The following FGF9 variants were observed in gnomAD, a reference collection of about 807,000 sequenced individuals.
The protein encoded by FGF9 is fibroblast growth factor 9, also known as fibroblast growth factor 9 (glia-activating factor).
A neutral mutation model predicts 19.9 loss-of-function variants in FGF9; 3 were observed. The observed-to-expected ratio is 0.15, with a 90% confidence interval of 0.07 to 0.39. The LOEUF is 0.39. FGF9 is among the 10% of genes least tolerant of loss of function. The pLI, the probability that FGF9 is intolerant of heterozygous loss-of-function variation, is 1.00. For synonymous variants in FGF9, 107 were observed against 106.9 expected (o/e 1.00, Z -0.01); for missense variants, 175 against 256.8 (o/e 0.68, Z 2.18).
chr13:21,694,826 A>C (rs553610302), intron 2 of FGF9, among the ~76,000 whole-genome samples: 1 of 152,354 alleles, frequency 6.6e-6, no homozygotes, highest in Non-Finnish European at 1.5e-5. Flanking sequence ...TAAACTTTGA[A>C]AACTTGAATT....
Position 21,702,930 on chromosome 13 carries a change from T to C in FGF9, c.*1495T>C, listed in dbSNP as rs1444177885. 2.0e-5 allele frequency: 3 copies of C among 152,236 alleles called. No individual in the cohort carries two copies. Among genetic ancestry groups the C allele is most frequent in the African/African-American group, 7.2e-5 (3 of 41,462 alleles). The allele number at this position is 152,236 out of a possible 1,614,324, so 9.4% of individuals were successfully genotyped here. A position where few individuals can be genotyped will look rare whatever the true frequency, so the allele number is the denominator to read the frequency against. Reference sequence around the variant, plus strand: ...GCGCTCAATTTTTTTAGAGGGGATATTACTATATAGAATATCTTTTACAAG... The same window carrying C: ...GCGCTCAATTTTTTTAGAGGGGATACTACTATATAGAATATCTTTTACAAG... On this transcript the variant is annotated 3_prime_UTR_variant, in exon 3 of 3. Transcript: ENST00000382353.
At position 21,671,959 on chromosome 13, in the gene FGF9, C is replaced by CGGTACCGTTTGGGAA. The variant is rs1446749273; in HGVS notation, c.48_62dup (p.Gly20_Asn21insLysValProPheGly). The stretch of plus-strand genomic sequence containing the variant: ...GGGAACTATTTCGGTGTGCAGGATG[C>CGGTACCGTTTGGGAA]GGTACCGTTTGGGAATGTGCCCGTG... On this transcript the variant is annotated inframe_insertion, in exon 1 of 3. Coordinates refer to ENST00000382353, the MANE Select transcript of FGF9 (RefSeq NM_002010.3). 5.0e-6 allele frequency: 8 copies of CGGTACCGTTTGGGAA among 1,614,044 alleles called. No individual in the cohort carries two copies. The highest frequency in any genetic ancestry group is 4.0e-5 in the African/African-American group (3 of 74,912).
intron 2 of FGF9, among the ~76,000 whole-genome samples, chr13:21,684,395 G>A (rs559486412): frequency 6.1e-4 from 93 of 151,936 alleles, no homozygotes; most frequent in Non-Finnish European, 1.2e-3. Context: ...CTCGATGAAC[G>A]CTCATTGGGT....
intron 1 of FGF9, among the ~76,000 whole-genome samples, chr13:21,673,847 G>A: frequency 6.6e-6 from 1 of 150,716 alleles, no homozygotes; most frequent in Admixed American, 6.6e-5. Flanking sequence ...GTCGGCAGGT[G>A]CCCGCTCGGC....
intron 1 of FGF9, among the ~76,000 whole-genome samples, chr13:21,679,577 A>G (rs1871990407): frequency 6.6e-6 from 1 of 152,088 alleles, no homozygotes; most frequent in Non-Finnish European, 1.5e-5. Context: ...GCATTAATGT[A>G]AGGTCTACAT....
At chr13:21,679,052 A>G (rs17070158) in intron 1 of FGF9, among the ~76,000 whole-genome samples, 1 of 152,220 alleles carries the variant, frequency 6.6e-6, no homozygotes, top group Admixed American at 6.5e-5. Flanking sequence ...TCATGGAAAT[A>G]TTGCCTTATT....
intron 1 of FGF9, among the ~76,000 whole-genome samples, chr13:21,675,443 G>C (rs1203952544): frequency 6.6e-6 from 1 of 151,938 alleles, no homozygotes; most frequent in Non-Finnish European, 1.5e-5. Flanking sequence ...AGGCCGCGGC[G>C]GCGCTAGGAC....
At chr13:21,673,624 C>A (rs1871826658) in intron 1 of FGF9, among the ~76,000 whole-genome samples, 1 of 152,224 alleles carries the variant, frequency 6.6e-6, no homozygotes, top group Non-Finnish European at 1.5e-5. Flanking sequence ...CTAAAAGTGC[C>A]GTTTCCATCT....
chr13:21,687,276 C>A (rs1162684247), intron 2 of FGF9, among the ~76,000 whole-genome samples: 1 of 152,104 alleles, frequency 6.6e-6, no homozygotes, highest in Admixed American at 6.5e-5. Context: ...CCCTCTGTCC[C>A]AGAATTGAGA....
At chr13:21,690,413 C>A (rs1565951765) in intron 2 of FGF9, among the ~76,000 whole-genome samples, 1 of 152,138 alleles carries the variant, frequency 6.6e-6, no homozygotes, top group East Asian at 1.9e-4. Flanking sequence ...TTGCTCACAC[C>A]CACTCACACA....
At position 21,671,422 on chromosome 13, in the gene FGF9, T is replaced by G; in HGVS notation, c.-491T>G. 5 of 413,712 alleles carry G rather than the reference T, an allele frequency of 1.2e-5. No homozygotes were observed. Among genetic ancestry groups the G allele is most frequent in the Non-Finnish European group, 8.5e-6 (2 of 235,500 alleles). 25.6% of individuals were successfully genotyped at this position (413,712 alleles called of 1,614,324 possible). ...TTCATGCTGATGTCTGCAGAGTCGG[T>G]TAGAGAGTAAAAACAGCGCATGCCT... On this transcript the variant is annotated 5_prime_UTR_variant, in exon 1 of 3. Coordinates refer to ENST00000382353, the MANE Select transcript of FGF9 (RefSeq NM_002010.3).
intron 1 of FGF9, among the ~76,000 whole-genome samples, chr13:21,673,022 A>G (rs1440868477): frequency 1.3e-5 from 2 of 152,240 alleles, no homozygotes; most frequent in East Asian, 1.9e-4. Flanking sequence ...TGAGGGCTGC[A>G]GACTCGAGGG....
Position 21,671,648 on chromosome 13 carries a change from CATAG to C in FGF9, c.-261_-258del, listed in dbSNP as rs1292281676. 1 of 602,640 alleles carries C rather than the reference CATAG, an allele frequency of 1.7e-6. No homozygotes were observed. The highest frequency in any genetic ancestry group is 2.7e-5 in the East Asian group (1 of 36,516). The allele number at this position is 602,640 out of a possible 1,614,324, so 37.3% of individuals were successfully genotyped here. A position where few individuals can be genotyped will look rare whatever the true frequency, so the allele number is the denominator to read the frequency against. ...AGCTGGGGATCTATCTATAGAGATA[CATAG>C]ATATGTTTATCAATATGTCAGTGTG... On this transcript the variant is annotated 5_prime_UTR_variant, in exon 1 of 3. The change creates a new upstream start codon in the 5' untranslated region. Coordinates refer to ENST00000382353, the MANE Select transcript of FGF9 (RefSeq NM_002010.3).
rs1871760190 is a variant in FGF9, at chr13:21,671,282, G to C, written c.-631G>C. The C allele has an allele frequency of 1.3e-5, 4 of 307,352 alleles. No individual in the cohort carries two copies. Among genetic ancestry groups the C allele is most frequent in the Middle Eastern group, 8.6e-4 (1 of 1,168 alleles). The allele number at this position is 307,352 out of a possible 1,614,324, so 19.0% of individuals were successfully genotyped here. On this transcript the variant is annotated 5_prime_UTR_variant, in exon 1 of 3. Transcript: ENST00000382353. ...AGAATCCTGGATACTAGCTTTGGAC[G>C]CCTAAAGTTTCTTCTTCTTTTTGTT...
chr13:21,678,711 C>T (rs922259400), intron 1 of FGF9, among the ~76,000 whole-genome samples: 20 of 152,210 alleles, frequency 1.3e-4, no homozygotes, highest in African/African-American at 4.8e-4. Context: ...TCATCACATG[C>T]TCCCTTAGAA....
chr13:21,690,852 A>G (rs1253639077), intron 2 of FGF9, among the ~76,000 whole-genome samples: 2 of 152,236 alleles, frequency 1.3e-5, no homozygotes, highest in African/African-American at 4.8e-5. Flanking sequence ...AAACATCCTC[A>G]GTGTAATACT....
chr13:21,674,251 T>C (rs564681125), intron 1 of FGF9: 2 of 151,930 alleles, frequency 1.3e-5, no homozygotes, highest in African/African-American at 4.8e-5. Flanking sequence ...TCCGTGTCCT[T>C]CTTCTGAAGC....
At position 21,701,813 on chromosome 13, in the gene FGF9, C is replaced by G. The variant is rs561748523; in HGVS notation, c.*378C>G. On this transcript the variant is annotated 3_prime_UTR_variant, in exon 3 of 3. Coordinates refer to ENST00000382353, the MANE Select transcript of FGF9 (RefSeq NM_002010.3). The stretch of plus-strand genomic sequence containing the variant: ...GCCTGATGCATGCTGGAAAAAGACA[C>G]GCTTTTCATTTCTGATCAGTTGTAC... 1.1e-5 allele frequency: 3 copies of G among 274,878 alleles called. No homozygotes were observed. The highest frequency in any genetic ancestry group is 6.6e-5 in the African/African-American group (3 of 45,520). The allele number at this position is 274,878 out of a possible 1,614,324, so 17.0% of individuals were successfully genotyped here.
intron 2 of FGF9, among the ~76,000 whole-genome samples, chr13:21,700,039 T>C (rs1160569936): frequency 6.6e-6 from 1 of 151,694 alleles, no homozygotes; most frequent in Non-Finnish European, 1.5e-5. Flanking sequence ...TGTGTGTGTG[T>C]GTGTGTGTGT....
Sources: gnomAD v4.1 joint callset for allele counts (sites outside exome capture counted in the v4.1 genomes callset) on GRCh38, gnomAD v4.1.1 for gene constraint, MANE v1.5 for transcripts, NCBI Gene and HGNC (gene_info 2026-07-23, HGNC 2026-07-21) for gene names.